PIAS1: variants seen among roughly 807,000 people sequenced by gnomAD.
The protein encoded by PIAS1 is E3 SUMO-protein ligase PIAS1.
PIAS1 carries 6 observed loss-of-function variants against 71.3 expected under a neutral mutation model. That is an observed-to-expected ratio of 0.08 (90% CI 0.05 to 0.17). The LOEUF is 0.17. Ranked by LOEUF, PIAS1 falls within the 10% of genes least tolerant of loss-of-function variation. PIAS1 has a pLI of 1.00. For missense variants in PIAS1, 555 were observed against 793.6 expected (o/e 0.70, Z 3.61); for synonymous variants, 303 against 292.9 (o/e 1.03, Z -0.35).
At position 68,188,418 on chromosome 15, in the gene PIAS1, G is replaced by T. The variant is rs62004818; in HGVS notation, c.*583G>T. On this transcript the variant is annotated 3_prime_UTR_variant, in exon 14 of 14. Transcript: ENST00000249636. ...TGTATTTTCAGGACATGGCTCGTGG[G>T]TGTGTGTGTTCATTGTGTGCGTCTG... The T allele has an allele frequency of 0.04, 6,062 of 153,436 alleles. 138 individuals are homozygous for T. Among genetic ancestry groups the T allele is most frequent in the African/African-American group, 0.055 (2,302 of 41,544 alleles). The allele number at this position is 153,436 out of a possible 1,614,324, so 9.5% of individuals were successfully genotyped here.
chr15:68,062,266 T>C (rs1567022556), intron 1 of PIAS1, among the ~76,000 whole-genome samples: 3 of 152,204 alleles, frequency 2.0e-5, no homozygotes, highest in Non-Finnish European at 2.9e-5. Flanking sequence ...AGGGTAAAAA[T>C]GGAAAGACCT....
intron 1 of PIAS1, among the ~76,000 whole-genome samples, chr15:68,071,740 C>T (rs902874181): frequency 6.0e-5 from 9 of 150,472 alleles, no homozygotes; most frequent in East Asian, 4.1e-4. Flanking sequence ...TGACGTGGGG[C>T]GGAACACTTG....
At chr15:68,057,508 C>A in intron 1 of PIAS1, 1 of 443,536 alleles carries the variant, frequency 2.3e-6, no homozygotes, top group Non-Finnish European at 4.5e-6. Context: ...AGAAGTCCAT[C>A]AGCATTTTAG....
chr15:68,081,185 A>T (rs898889385), intron 1 of PIAS1, among the ~76,000 whole-genome samples: 1 of 152,246 alleles, frequency 6.6e-6, no homozygotes. Flanking sequence ...TGAAAAGGGG[A>T]TTGAATAAAA....
At chr15:68,149,196 C>G (rs2033081869) in intron 6 of PIAS1, among the ~76,000 whole-genome samples, 4 of 152,012 alleles carry the variant, frequency 2.6e-5, no homozygotes, top group Admixed American at 2.6e-4. Flanking sequence ...GTGAGACATC[C>G]TGAATAGGCA....
At chr15:68,154,245 A>G (rs1183879008) in intron 7 of PIAS1, among the ~76,000 whole-genome samples, 1 of 152,122 alleles carries the variant, frequency 6.6e-6, no homozygotes, top group Non-Finnish European at 1.5e-5. Flanking sequence ...GAATTACTGG[A>G]TGGTTTGTTT....
chr15:68,106,305 G>A (rs2092468134), intron 2 of PIAS1, among the ~76,000 whole-genome samples: 2 of 138,062 alleles, frequency 1.4e-5, no homozygotes, highest in Admixed American at 7.5e-5. Flanking sequence ...GCTAAAAATG[G>A]ATGGTTAAAC....
intron 1 of PIAS1, among the ~76,000 whole-genome samples, chr15:68,079,182 T>C (rs569931320): frequency 2.0e-5 from 3 of 152,320 alleles, no homozygotes; most frequent in African/African-American, 7.2e-5. Flanking sequence ...ATTCAGCATA[T>C]TTTAGGTATT....
intron 2 of PIAS1, among the ~76,000 whole-genome samples, chr15:68,128,099 C>T (rs1054694185): frequency 4.6e-5 from 7 of 152,040 alleles, no homozygotes; most frequent in African/African-American, 7.2e-5. Context: ...TTAGGCAGTT[C>T]AACTTAGCAG....
At chr15:68,079,720 C>G (rs548048811) in intron 1 of PIAS1, among the ~76,000 whole-genome samples, 2 of 152,028 alleles carry the variant, frequency 1.3e-5, no homozygotes, top group African/African-American at 4.8e-5. Flanking sequence ...CTCAAGTGTT[C>G]CTCCTGCCTC....
chr15:68,080,015 A>G (rs1366858690), intron 1 of PIAS1, among the ~76,000 whole-genome samples: 1 of 151,962 alleles, frequency 6.6e-6, no homozygotes, highest in Non-Finnish European at 1.5e-5. Flanking sequence ...TATTTTTGGT[A>G]GAGATGGGGT....
At chr15:68,123,119 G>A (rs1018081694) in intron 2 of PIAS1, among the ~76,000 whole-genome samples, 1 of 151,818 alleles carries the variant, frequency 6.6e-6, no homozygotes, top group African/African-American at 2.4e-5. Flanking sequence ...TGGTACAAGC[G>A]TAGCTCACTG....
intron 2 of PIAS1, among the ~76,000 whole-genome samples, chr15:68,088,751 T>C (rs1272439880): frequency 1.3e-5 from 2 of 152,302 alleles, no homozygotes; most frequent in Middle Eastern, 3.4e-3. Context: ...AGGATGAGTA[T>C]ATTTTAAGGC....
chr15:68,099,509 ATTAT>A (rs933104967), intron 2 of PIAS1, among the ~76,000 whole-genome samples: 8 of 151,958 alleles, frequency 5.3e-5, no homozygotes, highest in Admixed American at 6.6e-5. Flanking sequence ...AACTATTCGA[ATTAT>A]TTAAGAGCAT....
intron 12 of PIAS1, among the ~76,000 whole-genome samples, chr15:68,183,085 A>AT (rs1207022759): frequency 1.3e-5 from 2 of 152,212 alleles, no homozygotes; most frequent in African/African-American, 4.8e-5. Context: ...TTCTTATGTA[A>AT]TAGTAGCCAG....
rs1429748596 is a variant in PIAS1, at chr15:68,173,512, T to C, written c.1009-220T>C. 1.3e-5 allele frequency among the ~76,000 whole-genome samples: 2 copies of C among 152,244 alleles called. No individual in the cohort carries two copies. The highest frequency in any genetic ancestry group is 2.4e-5 in the African/African-American group (1 of 41,464). On this transcript the variant is annotated intron_variant, in intron 8 of 13. Transcript: ENST00000249636. This position sits in a 1 kb window ranked among gnomAD's most constrained non-coding sequence, Gnocchi z 4.3. ...TTAGTAAATAACCCTTGTTGTAGAC[T>C]TTCCATAGTCATTTTGTTTGATAGC...
chr15:68,123,282 C>A (rs2092626056), intron 2 of PIAS1, among the ~76,000 whole-genome samples: 1 of 151,986 alleles, frequency 6.6e-6, no homozygotes, highest in South Asian at 2.1e-4. Flanking sequence ...AAACTCCTGG[C>A]GTCAAGCAGT....
In PIAS1 at chr15:68,189,050, C is replaced by A. The variant is rs566786267; in HGVS notation, c.*1215C>A. 1 of 152,268 alleles carries A rather than the reference C, an allele frequency of 6.6e-6. No individual in the cohort carries two copies. Among genetic ancestry groups the A allele is most frequent in the African/African-American group, 2.4e-5 (1 of 41,558 alleles). The allele number at this position is 152,268 out of a possible 1,614,324, so 9.4% of individuals were successfully genotyped here. A position where few individuals can be genotyped will look rare whatever the true frequency, so the allele number is the denominator to read the frequency against. The stretch of plus-strand genomic sequence containing the variant: ...TTTTACTCTTTGGTTCTGAGTATAC[C>A]TATTTTCTTAGCGTATCTGCCTTGT... On this transcript the variant is annotated 3_prime_UTR_variant, in exon 14 of 14. Coordinates refer to ENST00000249636, the MANE Select transcript of PIAS1 (RefSeq NM_016166.3).
chr15:68,139,089 A>G (rs971234899), intron 2 of PIAS1, among the ~76,000 whole-genome samples: 121 of 152,350 alleles, frequency 7.9e-4, no homozygotes, highest in African/African-American at 2.8e-3. Flanking sequence ...ACATTCTTCA[A>G]AATAATCCTA....
Sources: allele counts gnomAD v4.1 joint callset (sites outside exome capture counted in the v4.1 genomes callset), GRCh38; gene constraint gnomAD v4.1.1; non-coding constraint Gnocchi (gnomAD v3.1); transcripts MANE v1.5; gene names NCBI Gene and HGNC (gene_info 2026-07-23, HGNC 2026-07-21).